TMEM131L: variants seen among roughly 807,000 people sequenced by gnomAD.
TMEM131L encodes the protein transmembrane protein 131-like.
In TMEM131L, 54 loss-of-function variants were observed where a neutral mutation model predicts 192.2. The observed-to-expected ratio is 0.28, with a 90% CI of 0.23 to 0.35. The LOEUF (loss-of-function observed/expected upper bound fraction) is 0.35, where lower values mean the gene tolerates loss of function less well. TMEM131L is among the 10% of genes least tolerant of loss of function. The probability of loss-of-function intolerance (pLI) is 1.00; values close to 1 mark genes in which losing one functional copy is unlikely to be tolerated. For missense variants in TMEM131L, 1,888 were observed against 1,972.9 expected, an observed-to-expected ratio of 0.96 and a Z score of 0.82; for synonymous variants, 701 against 704.9, an observed-to-expected ratio of 0.99 and a Z score of 0.09.
At chr4:153,503,092 C>G (rs763080652) in intron 3 of TMEM131L, among the ~76,000 whole-genome samples, 10 of 152,138 alleles carry the variant, frequency 6.6e-5, no homozygotes, top group Admixed American at 3.3e-4. Context: ...ACTCTATAAA[C>G]TACATTAAAA....
chr4:153,580,075 A>G (rs1003701440), intron 7 of TMEM131L, among the ~76,000 whole-genome samples: 1 of 152,216 alleles, frequency 6.6e-6, no homozygotes, highest in Admixed American at 6.5e-5. Context: ...AGGAAGTCTC[A>G]TAGCCCATGT....
At chr4:153,561,876 G>A (rs1321127062) in intron 7 of TMEM131L, among the ~76,000 whole-genome samples, 2 of 151,666 alleles carry the variant, frequency 1.3e-5, no homozygotes, top group Non-Finnish European at 2.9e-5. Context: ...GTGGTGTTAC[G>A]GTATAAAATA....
intron 26 of TMEM131L, among the ~76,000 whole-genome samples, chr4:153,612,966 A>T (rs1732738845): frequency 6.6e-6 from 1 of 152,236 alleles, no homozygotes; most frequent in Non-Finnish European, 1.5e-5. Flanking sequence ...AGAGTTGTGC[A>T]TAGACAGAAA....
At chr4:153,597,263 T>C (rs989378629) in intron 20 of TMEM131L, among the ~76,000 whole-genome samples, 5 of 143,680 alleles carry the variant, frequency 3.5e-5, no homozygotes, top group Admixed American at 1.4e-4. Flanking sequence ...TTTTTTTCTT[T>C]TTTTAATTAA....
At chr4:153,634,170 G>T in intron 32 of TMEM131L, 22 bp from the exon 33 acceptor site, 2 of 1,603,488 alleles carry the variant, frequency 1.2e-6, no homozygotes, top group South Asian at 1.1e-5. Flanking sequence ...TTTCTGATTA[G>T]ACCACTTGTT....
In TMEM131L at chr4:153,580,951, T is replaced by C. The variant is rs761499450; in HGVS notation, c.738+48T>C. On this transcript the variant is annotated intron_variant, in intron 8 of 34. Coordinates refer to ENST00000409959, the MANE Select transcript of TMEM131L (RefSeq NM_001131007.2). Reference sequence around the variant, plus strand: ...TTCTCTCTGCTTTCCTCCTGCCTCTTTGCTTAAAAATAAAACACAAGGCTG... The same window carrying C: ...TTCTCTCTGCTTTCCTCCTGCCTCTCTGCTTAAAAATAAAACACAAGGCTG... The C allele has an allele frequency of 1.0e-5, 14 of 1,341,716 alleles. No individual in the cohort carries two copies. In the South Asian group the frequency reaches 1.7e-4, roughly 16 times the overall value. 83.1% of individuals were successfully genotyped at this position (1,341,716 alleles called of 1,614,324 possible).
intron 3 of TMEM131L, among the ~76,000 whole-genome samples, chr4:153,525,570 C>G (rs575885310): frequency 2.6e-5 from 4 of 152,326 alleles, no homozygotes; most frequent in African/African-American, 9.6e-5. Context: ...GAGCTCCTGA[C>G]CTCAAGTGAT....
chr4:153,496,324 C>T (rs538693873), intron 3 of TMEM131L, among the ~76,000 whole-genome samples: 149 of 152,256 alleles, frequency 9.8e-4, no homozygotes, highest in African/African-American at 3.4e-3. Flanking sequence ...AAATTAAATA[C>T]GGGGCTGCTC....
At position 153,584,850 on chromosome 4, in the gene TMEM131L, A is replaced by T. The variant is rs920944543; in HGVS notation, c.1076A>T (p.Asp359Val). Residue 359 changes from aspartate to valine, a missense_variant, in exon 12 of 35, where the codon GAC (aspartate) becomes GTC (valine). Asp to Val is a radical substitution (Grantham distance 152). Coordinates refer to ENST00000409959, the MANE Select transcript of TMEM131L (RefSeq NM_001131007.2). ...SFTCKAATSC[D>V]SGIIEDVKKT... Reference sequence around the variant, plus strand: ...TACCACAAAGCAGCTACATCATGTGACAGTGGAATTATAGAAGATGTGAAG... The same window carrying T: ...TACCACAAAGCAGCTACATCATGTGTCAGTGGAATTATAGAAGATGTGAAG... 5 of 1,613,758 alleles carry T rather than the reference A, an allele frequency of 3.1e-6. No individual in the cohort carries two copies. Among genetic ancestry groups the T allele is most frequent in the Non-Finnish European group, 4.2e-6 (5 of 1,179,606 alleles).
chr4:153,485,017 G>A (rs1003984018), intron 3 of TMEM131L, among the ~76,000 whole-genome samples: 1 of 149,634 alleles, frequency 6.7e-6, no homozygotes, highest in Non-Finnish European at 1.5e-5. Flanking sequence ...TACTTGGGAG[G>A]CTGAGGCAGG....
At chr4:153,513,037 T>C (rs958006605) in intron 3 of TMEM131L, among the ~76,000 whole-genome samples, 1 of 152,230 alleles carries the variant, frequency 6.6e-6, no homozygotes, top group Admixed American at 6.5e-5. Flanking sequence ...ATTAATTTTC[T>C]TTTTTCATCT....
chr4:153,550,616 A>G (rs538770734), intron 4 of TMEM131L, among the ~76,000 whole-genome samples: 1,695 of 152,084 alleles, frequency 0.011, 26 homozygotes, highest in African/African-American at 0.038. Context: ...GCGAGCCACC[A>G]CTCCTGGCCT....
At position 153,620,738 on chromosome 4, in the gene TMEM131L, T is replaced by G; in HGVS notation, c.3568-18T>G. 1 of 1,457,596 alleles carries G rather than the reference T, an allele frequency of 6.9e-7. No homozygotes were observed. The highest frequency in any genetic ancestry group is 9.4e-7 in the Non-Finnish European group (1 of 1,067,712). The allele number at this position is 1,457,596 out of a possible 1,614,324, so 90.3% of individuals were successfully genotyped here. On this transcript the variant is annotated intron_variant, in intron 26 of 34. Transcript: ENST00000409959. ...ATATTTAGTTTAAACCATTAAACAT[T>G]TACTTTCTCTTCTTTAGCAAGAAGA...
chr4:153,626,257 T>C (rs1473206486), intron 30 of TMEM131L, 32 bp downstream of exon 30: 2 of 1,355,510 alleles, frequency 1.5e-6, no homozygotes, highest in Non-Finnish European at 1.1e-6. Context: ...TTTTACAGTA[T>C]GTTTTGTGTA....
intron 7 of TMEM131L, among the ~76,000 whole-genome samples, chr4:153,577,077 T>C (rs1163877540): frequency 6.6e-6 from 1 of 152,122 alleles, no homozygotes; most frequent in Non-Finnish European, 1.5e-5. Flanking sequence ...AGCCAGGACA[T>C]GAAGCATAAA....
At chr4:153,546,910 A>G (rs1737220960) in intron 3 of TMEM131L, among the ~76,000 whole-genome samples, 1 of 152,252 alleles carries the variant, frequency 6.6e-6, no homozygotes, top group South Asian at 2.1e-4. Flanking sequence ...GTGGGCAACA[A>G]GAGTGAAACT....
chr4:153,482,177 G>T, intron 3 of TMEM131L, among the ~76,000 whole-genome samples: 1 of 152,080 alleles, frequency 6.6e-6, no homozygotes, highest in South Asian at 2.1e-4. Context: ...TTCTGTAGTT[G>T]GTTGTTTTTT....
chr4:153,504,246 C>T (rs554386833), intron 3 of TMEM131L, among the ~76,000 whole-genome samples: 11 of 123,630 alleles, frequency 8.9e-5, no homozygotes, highest in Admixed American at 3.7e-4. Flanking sequence ...GGATTACGGG[C>T]GTGAGCCACC....
At chr4:153,476,200 C>G (rs764921734) in intron 3 of TMEM131L, among the ~76,000 whole-genome samples, 3 of 152,134 alleles carry the variant, frequency 2.0e-5, no homozygotes, top group African/African-American at 7.2e-5. Context: ...CTCAGGTTAT[C>G]CGCCGGCCTC....
Sources: allele counts gnomAD v4.1 joint callset (sites outside exome capture counted in the v4.1 genomes callset), GRCh38; gene constraint gnomAD v4.1.1; transcripts MANE v1.5; gene names NCBI Gene and HGNC (gene_info 2026-07-23, HGNC 2026-07-21).